The following TMEM132D variants were observed in gnomAD, a reference collection of about 807,000 sequenced individuals.
The protein encoded by TMEM132D is transmembrane protein 132D, also known as mature OL transmembrane protein.
A neutral mutation model predicts 62.3 loss-of-function variants in TMEM132D; 21 were observed. That is an observed-to-expected ratio of 0.34 (90% CI 0.24 to 0.49). TMEM132D has a LOEUF of 0.49. TMEM132D is among the 20% of genes least tolerant of loss of function. The pLI, the probability that TMEM132D is intolerant of heterozygous loss-of-function variation, is 0.99. For synonymous variants in TMEM132D, 621 were observed against 575.6 expected, an observed-to-expected ratio of 1.08 and a Z score of -1.13; for missense variants, 1,346 against 1,402.8, an observed-to-expected ratio of 0.96 and a Z score of 0.65.
intron 5 of TMEM132D, among the ~76,000 whole-genome samples, chr12:129,195,921 A>G (rs1878535869): frequency 6.6e-6 from 1 of 152,092 alleles, no homozygotes; most frequent in African/African-American, 2.4e-5. Flanking sequence ...GAGGTCAGGA[A>G]TTTGAGACCA....
At chr12:129,252,784 A>G (rs781231637) in intron 4 of TMEM132D, among the ~76,000 whole-genome samples, 3 of 152,150 alleles carry the variant, frequency 2.0e-5, no homozygotes, top group Admixed American at 2.0e-4. Context: ...AAGACTTGGA[A>G]CCAACCTAAA....
chr12:129,077,866 CACAT>C (rs1440928273), intron 8 of TMEM132D, among the ~76,000 whole-genome samples: 2 of 146,340 alleles, frequency 1.4e-5, no homozygotes, highest in African/African-American at 5.0e-5. Flanking sequence ...ACAAGACACA[CACAT>C]GCATACACAG....
intron 4 of TMEM132D, among the ~76,000 whole-genome samples, chr12:129,252,088 C>G (rs548659813): frequency 3.3e-5 from 5 of 152,256 alleles, no homozygotes; most frequent in African/African-American, 1.2e-4. Context: ...ATATTCAAAT[C>G]ATATACATGT....
intron 2 of TMEM132D, among the ~76,000 whole-genome samples, chr12:129,615,444 T>TAA (rs776156548): frequency 2.0e-5 from 3 of 146,344 alleles, no homozygotes; most frequent in Admixed American, 6.8e-5. Context: ...ATTTAAATTA[T>TAA]ATAAAAAAAA....
At chr12:129,234,864 T>C (rs976497194) in intron 4 of TMEM132D, among the ~76,000 whole-genome samples, 48 of 152,328 alleles carry the variant, frequency 3.2e-4, no homozygotes, top group African/African-American at 1.1e-3. Context: ...GATAGATGTA[T>C]GTAGAAAGAG....
At chr12:129,113,950 G>A (rs1290164130) in intron 5 of TMEM132D, among the ~76,000 whole-genome samples, 1 of 152,020 alleles carries the variant, frequency 6.6e-6, no homozygotes, top group Non-Finnish European at 1.5e-5. Context: ...GACAGTAAGG[G>A]CTTCAGCAGG....
intron 5 of TMEM132D, among the ~76,000 whole-genome samples, chr12:129,136,736 TACCATCATCACCACCTCCACCATCATC>T (rs1876573167): frequency 8.2e-6 from 1 of 122,682 alleles, no homozygotes; most frequent in Non-Finnish European, 1.8e-5. Context: ...CCACCACCAT[TACCATCATCACCACCTCCACCATCATC>T]ACCATCATCA....
chr12:129,478,411 A>G (rs1320222485), intron 3 of TMEM132D, among the ~76,000 whole-genome samples: 1 of 152,244 alleles, frequency 6.6e-6, no homozygotes, highest in Non-Finnish European at 1.5e-5. Flanking sequence ...AACCTTACGG[A>G]ACCACCATCT....
intron 2 of TMEM132D, among the ~76,000 whole-genome samples, chr12:129,550,717 C>T (rs998308900): frequency 6.6e-6 from 1 of 152,168 alleles, no homozygotes; most frequent in African/African-American, 2.4e-5. Context: ...CAGCTTGTAC[C>T]TTCTAATTGA....
intron 5 of TMEM132D, among the ~76,000 whole-genome samples, chr12:129,155,519 C>G (rs540188415): frequency 6.6e-6 from 1 of 152,296 alleles, no homozygotes; most frequent in East Asian, 1.9e-4. Context: ...TTTTGTGTTG[C>G]TATAACTGAA....
intron 4 of TMEM132D, among the ~76,000 whole-genome samples, chr12:129,289,889 G>C (rs1392763764): frequency 6.6e-6 from 1 of 152,146 alleles, no homozygotes; most frequent in Non-Finnish European, 1.5e-5. Context: ...AGAAAACTAA[G>C]AGTGTAAGAA....
rs187994160 is a variant in TMEM132D at position 129,099,857 on chromosome 12, G to A, written c.1444-15155C>T. On this transcript the variant is annotated intron_variant, in intron 5 of 8. Coordinates refer to ENST00000422113, the MANE Select transcript of TMEM132D (RefSeq NM_133448.3). ...TTTTTATTTTTTGAGACGGAGTCTC[G>A]CTCTGTCGCCCAGGCTGGAGTGCAG... Among the ~76,000 whole-genome samples the A allele has an allele frequency of 2.8e-3, 380 of 136,560 alleles. 12 individuals carry two copies. Among genetic ancestry groups the A allele is most frequent in the Non-Finnish European group, 4.6e-3 (308 of 67,306 alleles). The allele number at this position is 136,560 out of a possible 152,430, so 89.6% of individuals were successfully genotyped here. A position where few individuals can be genotyped will look rare whatever the true frequency, so the allele number is the denominator to read the frequency against.
At chr12:129,181,370 T>G (rs1878060076) in intron 5 of TMEM132D, among the ~76,000 whole-genome samples, 1 of 152,208 alleles carries the variant, frequency 6.6e-6, no homozygotes, top group Non-Finnish European at 1.5e-5. Flanking sequence ...CCCAGACAAT[T>G]GCAATCACAT....
chr12:129,455,139 A>G (rs11835898), intron 3 of TMEM132D, among the ~76,000 whole-genome samples: 2 of 152,136 alleles, frequency 1.3e-5, no homozygotes, highest in African/African-American at 4.8e-5. Flanking sequence ...TAAGCATGCT[A>G]TTAGGTTCCA....
intron 3 of TMEM132D, among the ~76,000 whole-genome samples, chr12:129,489,144 G>C (rs557381168): frequency 2.6e-5 from 4 of 152,166 alleles, no homozygotes; most frequent in African/African-American, 9.7e-5. Flanking sequence ...AACATTCTCC[G>C]AAAATTAAAA....
At chr12:129,582,917 G>A (rs764057243) in intron 2 of TMEM132D, among the ~76,000 whole-genome samples, 11 of 151,398 alleles carry the variant, frequency 7.3e-5, no homozygotes, top group East Asian at 1.9e-4. Flanking sequence ...TAGCCACCAC[G>A]TCCAGCCGAG....
intron 5 of TMEM132D, among the ~76,000 whole-genome samples, chr12:129,177,607 A>T (rs1042420506): frequency 1.3e-5 from 2 of 152,128 alleles, no homozygotes; most frequent in Non-Finnish European, 2.9e-5. Flanking sequence ...AAAATGAAAA[A>T]GTTAGCCAGG....
intron 5 of TMEM132D, among the ~76,000 whole-genome samples, chr12:129,105,335 T>C (rs537180506): frequency 0.021 from 2,876 of 138,934 alleles, 217 homozygotes; most frequent in African/African-American, 0.076. Flanking sequence ...CAGGTGGGAA[T>C]TGAACAATGA....
At chr12:129,552,020 G>C (rs921641743) in intron 2 of TMEM132D, among the ~76,000 whole-genome samples, 2 of 152,094 alleles carry the variant, frequency 1.3e-5, no homozygotes, top group African/African-American at 4.8e-5. Flanking sequence ...GCGAGGGAAG[G>C]GTCTCTCTTG....
Sources: gnomAD v4.1 joint callset for allele counts (sites outside exome capture counted in the v4.1 genomes callset) on GRCh38, gnomAD v4.1.1 for gene constraint, MANE v1.5 for transcripts, NCBI Gene and HGNC (gene_info 2026-07-23, HGNC 2026-07-21) for gene names.